The following ASAP1 variants were observed in gnomAD, a reference collection of about 807,000 sequenced individuals.
ASAP1 encodes the protein arf-GAP with SH3 domain, ANK repeat and PH domain-containing protein 1.
ASAP1 carries 43 observed loss-of-function variants against 145.2 expected under a neutral mutation model. The observed-to-expected ratio is 0.30, with a 90% CI of 0.23 to 0.38. ASAP1 has a LOEUF of 0.38. ASAP1 is among the 10% of genes least tolerant of loss of function. The pLI, the probability that ASAP1 is intolerant of heterozygous loss-of-function variation, is 1.00. For missense variants in ASAP1, 1,018 were observed against 1,355.3 expected, an observed-to-expected ratio of 0.75 and a Z score of 3.91; for synonymous variants, 546 against 515.5, an observed-to-expected ratio of 1.06 and a Z score of -0.80.
chr8:130,069,805 A>G (rs2097438547), intron 27 of ASAP1, among the ~76,000 whole-genome samples: 1 of 152,228 alleles, frequency 6.6e-6, no homozygotes, highest in Non-Finnish European at 1.5e-5. Flanking sequence ...GAAACATATG[A>G]TATGAAATTG....
intron 3 of ASAP1, among the ~76,000 whole-genome samples, chr8:130,272,932 C>T (rs1298532447): frequency 2.0e-5 from 3 of 152,106 alleles, no homozygotes. Flanking sequence ...TGTTCAGTGG[C>T]AGAGTAGGGT....
chr8:130,085,810 CA>C (rs916108095), intron 25 of ASAP1, among the ~76,000 whole-genome samples: 35 of 150,962 alleles, frequency 2.3e-4, no homozygotes, highest in African/African-American at 8.5e-4. Flanking sequence ...CTACAAAACC[CA>C]AATCTGTCCA....
chr8:130,204,643 A>G (rs1293015755), intron 5 of ASAP1, among the ~76,000 whole-genome samples: 3 of 152,180 alleles, frequency 2.0e-5, no homozygotes, highest in African/African-American at 7.2e-5. Flanking sequence ...AACACCTAGG[A>G]AAGCTGTGAA....
intron 2 of ASAP1, among the ~76,000 whole-genome samples, chr8:130,389,876 T>C (rs1292888355): frequency 6.6e-6 from 1 of 152,120 alleles, no homozygotes; most frequent in Non-Finnish European, 1.5e-5. Flanking sequence ...AAATTTTTTT[T>C]TCGTAGAGAC....
At chr8:130,237,784 A>G (rs929981645) in intron 3 of ASAP1, among the ~76,000 whole-genome samples, 1 of 151,976 alleles carries the variant, frequency 6.6e-6, no homozygotes, top group Non-Finnish European at 1.5e-5. Flanking sequence ...TGTGTATCAC[A>G]CTCCAAAAAC....
At chr8:130,101,987 G>A (rs1026626663) in intron 24 of ASAP1, among the ~76,000 whole-genome samples, 1 of 151,918 alleles carries the variant, frequency 6.6e-6, no homozygotes, top group Admixed American at 6.6e-5. Flanking sequence ...TTCTAAATGT[G>A]TTTTTTGGTG....
chr8:130,118,637 T>TCTA lies in ASAP1; in HGVS notation c.1643_1645dup (p.Val548dup). 1 of 1,613,740 alleles carries TCTA rather than the reference T, an allele frequency of 6.2e-7. No individual in the cohort carries two copies. The highest frequency in any genetic ancestry group is 8.5e-7 in the Non-Finnish European group (1 of 1,179,766). On this transcript the variant is annotated inframe_insertion, in exon 19 of 30. Coordinates refer to ENST00000518721, the MANE Select transcript of ASAP1 (RefSeq NM_018482.4). ...ACAGGTCTTCCTTGAAAACCTATGA[T>TCTA]CTACATACTTTGCAGTGATATATTC...
chr8:130,065,032 G>A (rs2097427765), intron 27 of ASAP1, among the ~76,000 whole-genome samples: 1 of 151,654 alleles, frequency 6.6e-6, no homozygotes, highest in African/African-American at 2.4e-5. Context: ...GTGTCACCAT[G>A]CCCAGCTATT....
At chr8:130,344,643 G>A (rs372526703) in intron 3 of ASAP1, among the ~76,000 whole-genome samples, 1 of 152,160 alleles carries the variant, frequency 6.6e-6, no homozygotes, top group African/African-American at 2.4e-5. Context: ...AGGCTGAAGC[G>A]AGATCACTTG....
intron 2 of ASAP1, among the ~76,000 whole-genome samples, chr8:130,392,786 G>C (rs931478620): frequency 6.6e-6 from 1 of 152,128 alleles, no homozygotes; most frequent in Admixed American, 6.6e-5. Context: ...GAGATCAGAT[G>C]GTGAGAGAAG....
intron 3 of ASAP1, among the ~76,000 whole-genome samples, chr8:130,281,687 A>T: frequency 6.6e-6 from 1 of 152,228 alleles, no homozygotes. Context: ...AACATACACA[A>T]TCATGGCATG....
intron 3 of ASAP1, among the ~76,000 whole-genome samples, chr8:130,335,278 C>T (rs1199603242): frequency 6.6e-6 from 1 of 152,148 alleles, no homozygotes; most frequent in Non-Finnish European, 1.5e-5. Flanking sequence ...AGACCCTCAG[C>T]CAAGCATTTA....
intron 25 of ASAP1, among the ~76,000 whole-genome samples, chr8:130,080,345 T>C (rs2097476260): frequency 6.6e-6 from 1 of 152,146 alleles, no homozygotes; most frequent in Non-Finnish European, 1.5e-5. Context: ...TACCCTCTAG[T>C]ATCCAAACTC....
At chr8:130,082,999 C>T (rs1290484546) in intron 25 of ASAP1, 1 of 152,186 alleles carries the variant, frequency 6.6e-6, no homozygotes, top group African/African-American at 2.4e-5. Flanking sequence ...ACTGTTACAT[C>T]CACTAATTCC....
chr8:130,364,656 G>A (rs189167958), intron 2 of ASAP1, among the ~76,000 whole-genome samples: 1 of 152,304 alleles, frequency 6.6e-6, no homozygotes, highest in East Asian at 1.9e-4. Flanking sequence ...AGCTTGACTG[G>A]TCTAGAGAGC....
intron 3 of ASAP1, among the ~76,000 whole-genome samples, chr8:130,334,082 A>G (rs1214468150): frequency 6.6e-6 from 1 of 152,156 alleles, no homozygotes; most frequent in East Asian, 1.9e-4. Context: ...CTGGTACAGG[A>G]GGAGGCAAGG....
At chr8:130,178,319 TAG>T (rs1423763266) in intron 9 of ASAP1, among the ~76,000 whole-genome samples, 10 of 152,198 alleles carry the variant, frequency 6.6e-5, no homozygotes, top group Admixed American at 5.9e-4. Context: ...ACTTTTCTGG[TAG>T]AGTCTCCATG....
chr8:130,443,214 CT>C (rs367911573), intron 1 of ASAP1, among the ~76,000 whole-genome samples: 9,626 of 150,358 alleles, frequency 0.064, 487 homozygotes, highest in African/African-American at 0.14. Flanking sequence ...GCGAGGAGAC[CT>C]CCCCCCCCCA....
intron 27 of ASAP1, 75 bp downstream of exon 27, chr8:130,076,273 G>A: frequency 9.5e-7 from 1 of 1,054,940 alleles, no homozygotes; most frequent in African/African-American, 1.6e-5. Flanking sequence ...GAACAAGGGA[G>A]ATAAAAACCT....
Sources: gnomAD v4.1 joint callset for allele counts (sites outside exome capture counted in the v4.1 genomes callset) on GRCh38, gnomAD v4.1.1 for gene constraint, MANE v1.5 for transcripts, NCBI Gene and HGNC (gene_info 2026-07-23, HGNC 2026-07-21) for gene names.